The following POTEC variants were observed in gnomAD, a reference collection of about 807,000 sequenced individuals.
POTEC encodes ANKRD26-like family B member 2.
Under a neutral mutation model 62.0 loss-of-function variants are expected in POTEC, and 35 were observed. That is an observed-to-expected ratio of 0.56 (90% CI 0.43 to 0.75). The LOEUF (loss-of-function observed/expected upper bound fraction) is 0.75, where lower values mean the gene tolerates loss of function less well. POTEC is among the 30% of genes least tolerant of loss of function. The pLI is 0.00. For synonymous variants in POTEC, 156 were observed against 221.5 expected (o/e 0.70, Z 2.62); for missense variants, 472 against 655.9 (o/e 0.72, Z 3.06).
At chr18:14,515,997 CACT>C (rs1348044131) in intron 9 of POTEC, among the ~76,000 whole-genome samples, 7 of 151,368 alleles carry the variant, frequency 4.6e-5, no homozygotes, top group African/African-American at 7.3e-5. Flanking sequence ...CCAGAATGGT[CACT>C]ACTAAAATAA....
chr18:14,519,622 C>A (rs1209596216), intron 9 of POTEC, among the ~76,000 whole-genome samples: 1 of 152,084 alleles, frequency 6.6e-6, no homozygotes, highest in Admixed American at 6.5e-5. Context: ...GAGGCTGAAG[C>A]AGGAGAATTG....
In POTEC at chr18:14,508,490, A is replaced by C. The variant is rs547311021; in HGVS notation, c.*3408T>G. 3 of 152,594 alleles carry C rather than the reference A, an allele frequency of 2.0e-5. No homozygotes were observed. The allele number at this position is 152,594 out of a possible 1,614,324, so 9.5% of individuals were successfully genotyped here. A position where few individuals can be genotyped will look rare whatever the true frequency, so the allele number is the denominator to read the frequency against. On this transcript the variant is annotated 3_prime_UTR_variant, in exon 11 of 11. Coordinates refer to ENST00000358970, the MANE Select transcript of POTEC (RefSeq NM_001137671.2). Reference sequence around the variant, plus strand: ...TCAGGTGCCCACACATACTACAATAATATTCATAATGCAATCACACACAAT... The same window carrying C: ...TCAGGTGCCCACACATACTACAATACTATTCATAATGCAATCACACACAAT...
chr18:14,534,556 T>C (rs1432984327), intron 4 of POTEC, among the ~76,000 whole-genome samples: 1 of 151,896 alleles, frequency 6.6e-6, no homozygotes, highest in African/African-American at 2.4e-5. Flanking sequence ...TAAAACCTAC[T>C]AGAAAGGGTT....
intron 9 of POTEC, among the ~76,000 whole-genome samples, chr18:14,514,716 G>C (rs1910103563): frequency 6.6e-6 from 1 of 151,754 alleles, no homozygotes; most frequent in Non-Finnish European, 1.5e-5. Flanking sequence ...CAGAGCAATT[G>C]GGCAAGAGAA....
chr18:14,535,804 C>T (rs1905693204), intron 3 of POTEC, among the ~76,000 whole-genome samples: 1 of 151,772 alleles, frequency 6.6e-6, no homozygotes, highest in Admixed American at 6.6e-5. Flanking sequence ...AACAAAGGGA[C>T]ACAAAGTCCT....
In POTEC at chr18:14,509,350, C is replaced by T. The variant is rs1339356927; in HGVS notation, c.*2548G>A. 1 of 152,042 alleles carries T rather than the reference C, an allele frequency of 6.6e-6. No individual in the cohort carries two copies. The highest frequency in any genetic ancestry group is 1.5e-5 in the Non-Finnish European group (1 of 68,022). 9.4% of individuals were successfully genotyped at this position (152,042 alleles called of 1,614,324 possible). On this transcript the variant is annotated 3_prime_UTR_variant, in exon 11 of 11. Coordinates refer to ENST00000358970, the MANE Select transcript of POTEC (RefSeq NM_001137671.2). ...CTCAGGGTATAAGAAGGTCCCTTTT[C>T]CTCTGCACAGCATTACCTCAAGGGT... is the stretch of plus-strand genomic sequence containing the variant.
At chr18:14,521,243 G>C (rs1037315211) in intron 9 of POTEC, among the ~76,000 whole-genome samples, 1 of 152,178 alleles carries the variant, frequency 6.6e-6, no homozygotes, top group African/African-American at 2.4e-5. Flanking sequence ...ACAAGGTACA[G>C]TGTCCATGTA....
chr18:14,537,197 ACACACAC>A (rs1905751709), intron 3 of POTEC, among the ~76,000 whole-genome samples: 1 of 84,650 alleles, frequency 1.2e-5, no homozygotes, highest in African/African-American at 7.5e-5. Context: ...ACACACACAC[ACACACAC>A]ACACACAAAA....
In POTEC at chr18:14,510,545, A is replaced by G. The variant is rs1245057948; in HGVS notation, c.*1353T>C. 1 of 151,998 alleles carries G rather than the reference A, an allele frequency of 6.6e-6. No individual in the cohort carries two copies. The highest frequency in any genetic ancestry group is 1.5e-5 in the Non-Finnish European group (1 of 68,008). 9.4% of individuals were successfully genotyped at this position (151,998 alleles called of 1,614,324 possible). On this transcript the variant is annotated 3_prime_UTR_variant, in exon 11 of 11. Coordinates refer to ENST00000358970, the MANE Select transcript of POTEC (RefSeq NM_001137671.2). ...TGCTGGGGGTCCACTCCAGTCGCCAATTGCCTCGTATTTTCCAGTGGCTGA... is the reference window on the plus strand; with the variant it reads ...TGCTGGGGGTCCACTCCAGTCGCCAGTTGCCTCGTATTTTCCAGTGGCTGA...
intron 9 of POTEC, among the ~76,000 whole-genome samples, chr18:14,520,794 A>G (rs962694955): frequency 1.3e-5 from 2 of 152,040 alleles, no homozygotes; most frequent in African/African-American, 4.8e-5. Flanking sequence ...GAACACAGCC[A>G]TGCTTATTCA....
At chr18:14,519,999 A>G (rs1001834441) in intron 9 of POTEC, among the ~76,000 whole-genome samples, 2 of 152,146 alleles carry the variant, frequency 1.3e-5, no homozygotes, top group African/African-American at 2.4e-5. Flanking sequence ...AATTAGTGAT[A>G]ATCTTGAGGA....
intron 6 of POTEC, chr18:14,529,012 C>T: frequency 4.4e-6 from 2 of 454,472 alleles, no homozygotes; most frequent in Non-Finnish European, 4.4e-6. Context: ...GTTGCATGTT[C>T]CTTCTGCCAA....
chr18:14,524,479 G>T (rs533123222), intron 7 of POTEC, among the ~76,000 whole-genome samples: 1 of 152,156 alleles, frequency 6.6e-6, no homozygotes, highest in Admixed American at 6.6e-5. Context: ...TAGTTCTATT[G>T]CTTAATAATA....
In POTEC at chr18:14,543,163, G is replaced by T; in HGVS notation, c.-17C>A. 6.2e-7 allele frequency: 1 copy of T among 1,605,698 alleles called. No homozygotes were observed. On this transcript the variant is annotated 5_prime_UTR_variant, in exon 1 of 11. Coordinates refer to ENST00000358970, the MANE Select transcript of POTEC (RefSeq NM_001137671.2). ...AGTCACCATCTGCTTTTAACAGCCCGGGGAGGCCGGTAGTAGCGAACAGAT... is the reference window on the plus strand; with the variant it reads ...AGTCACCATCTGCTTTTAACAGCCCTGGGAGGCCGGTAGTAGCGAACAGAT...
At chr18:14,534,878 C>T (rs1435945726) in intron 4 of POTEC, 23 bp downstream of exon 4, 3 of 1,532,850 alleles carry the variant, frequency 2.0e-6, no homozygotes, top group Admixed American at 2.1e-5. Context: ...GAACAACACA[C>T]AGATTAAAAG....
intron 9 of POTEC, among the ~76,000 whole-genome samples, chr18:14,521,956 TAC>T (rs1910322222): frequency 6.6e-6 from 1 of 152,160 alleles, no homozygotes; most frequent in Admixed American, 6.6e-5. Flanking sequence ...ACCTCCATGA[TAC>T]AGTTTACCTA....
intron 3 of POTEC, among the ~76,000 whole-genome samples, chr18:14,536,106 T>A (rs1905704588): frequency 6.8e-6 from 1 of 147,294 alleles, no homozygotes; most frequent in Non-Finnish European, 1.5e-5. Flanking sequence ...TCATCTCTAC[T>A]AAAAAAAAAA....
intron 6 of POTEC, among the ~76,000 whole-genome samples, chr18:14,526,684 T>A (rs916936382): frequency 7.9e-5 from 12 of 152,114 alleles, no homozygotes; most frequent in African/African-American, 2.9e-4. Flanking sequence ...GAGTAGGGCA[T>A]TAAGAGCCAC....
At chr18:14,533,350 A>G (rs1352326816) in intron 4 of POTEC, among the ~76,000 whole-genome samples, 152 bp from the exon 5 acceptor site, 2 of 152,182 alleles carry the variant, frequency 1.3e-5, no homozygotes, top group African/African-American at 2.4e-5. Flanking sequence ...TGGGTGCTCA[A>G]GAGTTCATCT....
Sources: allele counts gnomAD v4.1 joint callset (sites outside exome capture counted in the v4.1 genomes callset), GRCh38; gene constraint gnomAD v4.1.1; transcripts MANE v1.5; gene names NCBI Gene and HGNC (gene_info 2026-07-23, HGNC 2026-07-21).